Variants in SKAP2 observed in about 807,000 individuals in gnomAD.
SKAP2 encodes the protein src kinase associated phosphoprotein 2, also known as src kinase-associated phosphoprotein 2.
A neutral mutation model predicts 54.9 loss-of-function variants in SKAP2; 28 were observed. That is an observed-to-expected ratio of 0.51 (90% CI 0.38 to 0.70). SKAP2 has a LOEUF of 0.70. Ranked by LOEUF, SKAP2 falls within the 30% of genes least tolerant of loss-of-function variation. SKAP2 has a pLI of 0.00. For missense variants in SKAP2, 356 were observed against 424.1 expected (o/e 0.84, Z 1.41); for synonymous variants, 137 against 134.3 (o/e 1.02, Z -0.14).
chr7:26,859,949 A>G (rs535323763), intron 1 of SKAP2, among the ~76,000 whole-genome samples: 1 of 152,356 alleles, frequency 6.6e-6, no homozygotes, highest in East Asian at 1.9e-4. Context: ...TCACCCATAT[A>G]TGACACTTAA....
chr7:26,788,675 T>C (rs940230961), intron 4 of SKAP2, among the ~76,000 whole-genome samples: 4 of 152,130 alleles, frequency 2.6e-5, no homozygotes, highest in Non-Finnish European at 4.4e-5. Context: ...GAGCACAAAA[T>C]GCAACTCTAG....
At chr7:26,766,540 G>A (rs2127973153) in intron 4 of SKAP2, among the ~76,000 whole-genome samples, 1 of 152,298 alleles carries the variant, frequency 6.6e-6, no homozygotes, top group Admixed American at 6.5e-5. Context: ...GGGCATCCTT[G>A]TCTTGAGCCG....
In SKAP2 at chr7:26,726,899, C is replaced by G; in HGVS notation, c.577G>C (p.Asp193His). ...KDCCFEISAPDKRIYQFTAAS... is the reference protein window; with the variant it reads ...KDCCFEISAPHKRIYQFTAAS... ...ACTACAACCTGATATATACGTTTATCAGGAGCAGAGATTTCAAAACAGCAA... is the reference window on the plus strand; with the variant it reads ...ACTACAACCTGATATATACGTTTATGAGGAGCAGAGATTTCAAAACAGCAA... The change falls in exon 7 of 13, where the codon GAT becomes CAT. Residue 193 changes from aspartate to histidine, a missense_variant. By Grantham distance (81) the Asp-to-His change is moderately conservative. Coordinates refer to ENST00000345317, the MANE Select transcript of SKAP2 (RefSeq NM_003930.5). The G allele has an allele frequency of 6.2e-7, 1 of 1,608,642 alleles. No homozygotes were observed. The highest frequency in any genetic ancestry group is 1.1e-5 in the South Asian group (1 of 90,156).
chr7:26,826,052 C>T (rs533390848), intron 4 of SKAP2, among the ~76,000 whole-genome samples: 1 of 152,028 alleles, frequency 6.6e-6, no homozygotes, highest in African/African-American at 2.4e-5. Context: ...TCAGGTGAAG[C>T]TGGCCTTACC....
At chr7:26,858,460 T>C (rs901108013) in intron 1 of SKAP2, among the ~76,000 whole-genome samples, 2 of 152,158 alleles carry the variant, frequency 1.3e-5, no homozygotes, top group African/African-American at 4.8e-5. Flanking sequence ...TGTCGATAAA[T>C]GTTAAGGTCT....
At chr7:26,773,974 C>A (rs1427681613) in intron 4 of SKAP2, among the ~76,000 whole-genome samples, 1 of 152,162 alleles carries the variant, frequency 6.6e-6, no homozygotes, top group East Asian at 1.9e-4. Context: ...TACATGTCTC[C>A]TCTTTCTCCT....
intron 4 of SKAP2, 150 bp from the exon 5 acceptor site, chr7:26,740,114 G>T: frequency 5.4e-5 from 20 of 368,848 alleles, no homozygotes; most frequent in Middle Eastern, 1.6e-3. Flanking sequence ...CCATTCCCTA[G>T]ATTAATCCCC....
intron 8 of SKAP2, 66 bp from the exon 9 acceptor site, chr7:26,725,631 T>C (rs1376474219): frequency 5.1e-6 from 7 of 1,370,170 alleles, no homozygotes; most frequent in Non-Finnish European, 6.9e-6. Context: ...AACTATACTT[T>C]ATAAATAAAT....
intron 6 of SKAP2, among the ~76,000 whole-genome samples, chr7:26,735,970 T>C (rs969581867): frequency 2.0e-5 from 3 of 152,148 alleles, no homozygotes; most frequent in East Asian, 3.9e-4. Context: ...AAAATTTCAC[T>C]GGAAACAGGA....
chr7:26,700,431 G>T (rs1054979643), intron 9 of SKAP2, among the ~76,000 whole-genome samples: 5 of 152,116 alleles, frequency 3.3e-5, no homozygotes, highest in Non-Finnish European at 5.9e-5. Flanking sequence ...TCTGAAAAGG[G>T]ATACCAGATA....
intron 1 of SKAP2, among the ~76,000 whole-genome samples, 175 bp downstream of exon 1, chr7:26,864,188 C>T (rs1028929271): frequency 6.6e-6 from 1 of 152,042 alleles, no homozygotes; most frequent in Non-Finnish European, 1.5e-5. Flanking sequence ...CACGTCCACT[C>T]CCTTTCTGAG....
chr7:26,757,075 C>G (rs1475571639), intron 4 of SKAP2, among the ~76,000 whole-genome samples: 1 of 152,140 alleles, frequency 6.6e-6, no homozygotes. Context: ...GATATTAGCC[C>G]TTTGTCGGAT....
At chr7:26,827,363 A>C (rs77900944) in intron 4 of SKAP2, among the ~76,000 whole-genome samples, 4,672 of 152,288 alleles carry the variant, frequency 0.031, 111 homozygotes, top group Non-Finnish European at 0.053. Context: ...CAAATGAAAA[A>C]CTTTCAGCAC....
chr7:26,826,163 A>G (rs566774244), intron 4 of SKAP2, among the ~76,000 whole-genome samples: 2 of 152,032 alleles, frequency 1.3e-5, no homozygotes, highest in East Asian at 1.9e-4. Context: ...TTGATTTAGA[A>G]TAAGCACATA....
rs867404340 is a variant in SKAP2 at position 26,696,254 on chromosome 7, T to C, written c.797-5892A>G. ...ACATATTTTTAAAAAGATATAAGCA[T>C]GTGCCTTTTAGCATTATACAAACTT... is the stretch of plus-strand genomic sequence containing the variant. On this transcript the variant is annotated intron_variant, in intron 9 of 12. Coordinates refer to ENST00000345317, the MANE Select transcript of SKAP2 (RefSeq NM_003930.5). Among the ~76,000 whole-genome samples, 14 of 152,350 alleles carry C rather than the reference T, an allele frequency of 9.2e-5. No homozygotes were observed. In the South Asian group the frequency reaches 2.1e-3, roughly 23 times the overall value.
Position 26,783,973 on chromosome 7 carries a change from G to GA in SKAP2, c.308-44010dup, listed in dbSNP as rs1358608759. ...TGAAATAAAATAATTATAAGTCTTAGAAAAAAAAAAAAGAAATCTTATCTG... is the reference window on the plus strand; with the variant it reads ...TGAAATAAAATAATTATAAGTCTTAGAAAAAAAAAAAAAGAAATCTTATCTG... On this transcript the variant is annotated intron_variant, in intron 4 of 12. Transcript: ENST00000345317. Among the ~76,000 whole-genome samples, 207 of 137,716 alleles carry GA rather than the reference G, an allele frequency of 1.5e-3. 2 individuals are homozygous for GA. The highest frequency in any genetic ancestry group is 3.5e-3 in the African/African-American group (131 of 37,720). The allele number at this position is 137,716 out of a possible 152,430, so 90.3% of individuals were successfully genotyped here.
chr7:26,705,105 T>C (rs1284807479), intron 9 of SKAP2, among the ~76,000 whole-genome samples: 2 of 152,172 alleles, frequency 1.3e-5, no homozygotes, highest in Admixed American at 1.3e-4. Flanking sequence ...GGGCCTAGGG[T>C]CTAGGCAGTG....
intron 4 of SKAP2, among the ~76,000 whole-genome samples, chr7:26,787,667 T>C (rs1783581929): frequency 6.6e-6 from 1 of 152,014 alleles, no homozygotes; most frequent in African/African-American, 2.4e-5. Flanking sequence ...AAGGGTGACC[T>C]GGTGTTTCAT....
intron 11 of SKAP2, among the ~76,000 whole-genome samples, chr7:26,673,766 ATTTGT>A (rs1282899160): frequency 6.6e-6 from 1 of 151,990 alleles, no homozygotes; most frequent in African/African-American, 2.4e-5. Flanking sequence ...TAGTCATTTT[ATTTGT>A]TTTATTTTGT....
Sources: gnomAD v4.1 joint callset for allele counts (sites outside exome capture counted in the v4.1 genomes callset) on GRCh38, gnomAD v4.1.1 for gene constraint, MANE v1.5 for transcripts, NCBI Gene and HGNC (gene_info 2026-07-23, HGNC 2026-07-21) for gene names.